COL24A1: variants seen among roughly 807,000 people sequenced by gnomAD.
The protein encoded by COL24A1 is collagen alpha-1(XXIV) chain.
In COL24A1, 224 loss-of-function variants were observed where a neutral mutation model predicts 253.9. That is an observed-to-expected ratio of 0.88 (90% CI 0.79 to 0.99). The LOEUF (loss-of-function observed/expected upper bound fraction) is 0.99. COL24A1 is among the 50% of genes least tolerant of loss of function. COL24A1 has a pLI of 0.00. For missense variants in COL24A1, 2,131 were observed against 2,068.5 expected, an observed-to-expected ratio of 1.03 and a Z score of -0.59; for synonymous variants, 685 against 673.7, an observed-to-expected ratio of 1.02 and a Z score of -0.26.
At chr1:85,735,750 T>C (rs1321271354) in intron 58 of COL24A1, among the ~76,000 whole-genome samples, 1 of 152,076 alleles carries the variant, frequency 6.6e-6, no homozygotes, top group African/African-American at 2.4e-5. Context: ...GCTCTAGACA[T>C]GATTATTATT....
intron 55 of COL24A1, among the ~76,000 whole-genome samples, chr1:85,758,264 C>G (rs1558010778): frequency 9.9e-6 from 1 of 101,040 alleles, no homozygotes. Context: ...TTCTAGAGAA[C>G]CAGTATATAA....
intron 24 of COL24A1, among the ~76,000 whole-genome samples, chr1:85,950,636 T>C (rs1689799979): frequency 6.6e-6 from 1 of 152,166 alleles, no homozygotes; most frequent in African/African-American, 2.4e-5. Flanking sequence ...ACTTCATCTG[T>C]CATTGATTTC....
rs1648109959 is a variant in COL24A1, at chr1:86,125,411, T to A, written c.925A>T (p.Ile309Leu). The A allele has an allele frequency of 6.2e-7, 1 of 1,613,616 alleles. No homozygotes were observed. Residue 309 changes from isoleucine to leucine, a missense_variant, in exon 3 of 60, where the codon ATA (isoleucine) becomes TTA (leucine). By Grantham distance (5) the Ile-to-Leu change is conservative. Transcript: ENST00000370571. ...ETVYKRQEHQISRSQLSSLQS... is the reference protein window; with the variant it reads ...ETVYKRQEHQLSRSQLSSLQS... ...AGAGAAGATAACTGAGATCTTGATA[T>A]CTGGTGTTCTTGTCTTTTATACACG...
intron 24 of COL24A1, among the ~76,000 whole-genome samples, chr1:85,958,495 T>C (rs1386457424): frequency 6.6e-6 from 1 of 152,160 alleles, no homozygotes; most frequent in Non-Finnish European, 1.5e-5. Flanking sequence ...GTGCCTGCTA[T>C]AATCAATAAA....
chr1:85,768,249 G>A (rs1667576411), intron 53 of COL24A1, among the ~76,000 whole-genome samples: 1 of 152,140 alleles, frequency 6.6e-6, no homozygotes, highest in African/African-American at 2.4e-5. Flanking sequence ...GCAAACAGGG[G>A]CCAGTTCATG....
intron 24 of COL24A1, among the ~76,000 whole-genome samples, chr1:85,924,102 C>T (rs1686889629): frequency 6.6e-6 from 1 of 152,118 alleles, no homozygotes; most frequent in Non-Finnish European, 1.5e-5. Flanking sequence ...CACATACACC[C>T]TCCAAAGACT....
At chr1:85,893,576 T>C (rs1197088756) in intron 31 of COL24A1, among the ~76,000 whole-genome samples, 2 of 152,074 alleles carry the variant, frequency 1.3e-5, no homozygotes, top group African/African-American at 4.8e-5. Context: ...ACACAATGGA[T>C]TGTGGTCTTT....
At chr1:86,032,779 T>A (rs1393554) in intron 13 of COL24A1, among the ~76,000 whole-genome samples, 30,345 of 152,024 alleles carry the variant, frequency 0.2, 3,825 homozygotes, top group African/African-American at 0.35. Flanking sequence ...AAAATGCTCC[T>A]GAAGAAATAT....
intron 47 of COL24A1, among the ~76,000 whole-genome samples, chr1:85,786,992 C>G (rs775829200): frequency 1.3e-5 from 2 of 152,154 alleles, no homozygotes; most frequent in African/African-American, 2.4e-5. Flanking sequence ...AGTCCATCAC[C>G]TGTTTTTGTA....
chr1:85,837,645 T>C (rs1676152835), intron 43 of COL24A1, among the ~76,000 whole-genome samples: 1 of 152,024 alleles, frequency 6.6e-6, no homozygotes, highest in Non-Finnish European at 1.5e-5. Context: ...AAAAAAAGAA[T>C]AGCAACAGAA....
At chr1:85,902,031 A>C (rs1684366151) in intron 28 of COL24A1, among the ~76,000 whole-genome samples, 1 of 152,114 alleles carries the variant, frequency 6.6e-6, no homozygotes, top group South Asian at 2.1e-4. Flanking sequence ...ATATGTACAC[A>C]ATGGAATAAT....
At chr1:85,945,428 A>G (rs1013974293) in intron 24 of COL24A1, among the ~76,000 whole-genome samples, 3 of 151,740 alleles carry the variant, frequency 2.0e-5, no homozygotes, top group Non-Finnish European at 2.9e-5. Flanking sequence ...TTAAAAAATT[A>G]TATGTGACTT....
chr1:85,761,440 A>T lies in COL24A1; in HGVS notation c.4411-18T>A, dbSNP rs761217240. 1.2e-6 allele frequency: 2 copies of T among 1,608,436 alleles called. No individual in the cohort carries two copies. The highest frequency in any genetic ancestry group is 1.3e-5 in the African/African-American group (1 of 74,780). ...GGTGGACCCTAGAACACAGCAAATT[A>T]AAAAAAATACACATTTATTTAGTAG... is the stretch of plus-strand genomic sequence containing the variant. On this transcript the variant is annotated intron_variant, in intron 54 of 59. Transcript: ENST00000370571.
chr1:86,122,620 C>T (rs762016559), intron 3 of COL24A1, among the ~76,000 whole-genome samples: 9 of 151,948 alleles, frequency 5.9e-5, no homozygotes, highest in Non-Finnish European at 1.3e-4. Flanking sequence ...TATCACCATT[C>T]TCTCAATCTG....
chr1:86,056,214 G>A (rs757009566), intron 10 of COL24A1, among the ~76,000 whole-genome samples: 19 of 151,844 alleles, frequency 1.3e-4, no homozygotes. Context: ...TGTTTTCAGT[G>A]CAATTTCTAA....
intron 42 of COL24A1, among the ~76,000 whole-genome samples, chr1:85,838,898 A>G (rs1248230565): frequency 1.3e-5 from 2 of 152,346 alleles, no homozygotes; most frequent in East Asian, 3.9e-4. Flanking sequence ...CTGAAGCCCA[A>G]TTAAAAATAT....
intron 5 of COL24A1, among the ~76,000 whole-genome samples, chr1:86,108,972 T>A (rs1705282221): frequency 1.3e-5 from 2 of 152,170 alleles, no homozygotes; most frequent in African/African-American, 4.8e-5. Context: ...ACAGAACTAC[T>A]TTTGCACCAA....
In COL24A1 at chr1:86,039,476, G is replaced by T. The variant is rs1030827150; in HGVS notation, c.1951-5553C>A. On this transcript the variant is annotated intron_variant, in intron 12 of 59. Coordinates refer to ENST00000370571, the MANE Select transcript of COL24A1 (RefSeq NM_152890.7). ...AGAGGACCAAGATAACCATAAAATG[G>T]TCACAATGACTATATTTACAGAATT... Among the ~76,000 whole-genome samples, 9 of 151,962 alleles carry T rather than the reference G, an allele frequency of 5.9e-5. No homozygotes were observed. In the South Asian group the frequency reaches 1.7e-3, roughly 28 times the overall value.
chr1:85,842,241 G>A, intron 40 of COL24A1, 99 bp downstream of exon 40: 1 of 1,331,816 alleles, frequency 7.5e-7, no homozygotes, highest in Non-Finnish European at 1.1e-6. Context: ...TGTTAGAAAG[G>A]TTTATCAGAG....
Sources: allele counts gnomAD v4.1 joint callset (sites outside exome capture counted in the v4.1 genomes callset), GRCh38; gene constraint gnomAD v4.1.1; transcripts MANE v1.5; gene names NCBI Gene and HGNC (gene_info 2026-07-23, HGNC 2026-07-21).